The following ANKS1B variants were observed in gnomAD, a reference collection of about 807,000 sequenced individuals.
ANKS1B encodes ankyrin repeat and sterile alpha motif domain containing 1B.
A neutral mutation model predicts 148.3 loss-of-function variants in ANKS1B; 36 were observed. The ratio of observed to expected loss-of-function variants is 0.24; its 90% CI spans 0.19 to 0.32. ANKS1B has a LOEUF of 0.32. Among genes scored for constraint, ANKS1B ranks in the 10% least tolerant of loss-of-function variants. ANKS1B has a pLI of 1.00. For missense variants in ANKS1B, 1,157 were observed against 1,542.6 expected, an observed-to-expected ratio of 0.75 and a Z score of 4.19; for synonymous variants, 542 against 560.8, an observed-to-expected ratio of 0.97 and a Z score of 0.47.
chr12:99,210,339 T>G (rs183447036), intron 14 of ANKS1B, among the ~76,000 whole-genome samples: 1 of 152,332 alleles, frequency 6.6e-6, no homozygotes, highest in Non-Finnish European at 1.5e-5. Flanking sequence ...TGTATCATAA[T>G]GAAACTCTTA....
intron 15 of ANKS1B, among the ~76,000 whole-genome samples, chr12:99,086,244 T>C (rs1231183075): frequency 6.6e-6 from 1 of 151,938 alleles, no homozygotes; most frequent in African/African-American, 2.4e-5. Context: ...GGACATCTAA[T>C]CAGATATAGG....
intron 15 of ANKS1B, among the ~76,000 whole-genome samples, chr12:99,124,573 T>C (rs543850213): frequency 9.9e-5 from 15 of 152,260 alleles, no homozygotes; most frequent in Non-Finnish European, 2.2e-4. Flanking sequence ...AGGAGAGATG[T>C]CTGGGCTAAA....
At chr12:98,920,284 C>T (rs531958041) in intron 17 of ANKS1B, among the ~76,000 whole-genome samples, 28 of 152,330 alleles carry the variant, frequency 1.8e-4, no homozygotes, top group Non-Finnish European at 2.9e-4. Context: ...CTGGATCAAA[C>T]GCTGCCAATT....
At chr12:99,901,853 T>C (rs2093611836) in intron 1 of ANKS1B, among the ~76,000 whole-genome samples, 1 of 152,240 alleles carries the variant, frequency 6.6e-6, no homozygotes, top group African/African-American at 2.4e-5. Flanking sequence ...CACCACTTCC[T>C]ACCCATGTGA....
chr12:99,417,529 CTAGT>C (rs2094944546), intron 11 of ANKS1B, among the ~76,000 whole-genome samples: 1 of 151,936 alleles, frequency 6.6e-6, no homozygotes, highest in South Asian at 2.1e-4. Flanking sequence ...TTTAGTTATC[CTAGT>C]TACTTTACGT....
chr12:99,138,140 T>C (rs1430020252), intron 15 of ANKS1B, among the ~76,000 whole-genome samples: 1 of 152,176 alleles, frequency 6.6e-6, no homozygotes, highest in East Asian at 1.9e-4. Flanking sequence ...TGTTTCTTTG[T>C]TTGAATTCTT....
chr12:99,140,694 C>G (rs76726848), intron 15 of ANKS1B, among the ~76,000 whole-genome samples: 2,226 of 152,208 alleles, frequency 0.015, 59 homozygotes, highest in African/African-American at 0.051. Context: ...AGGTAAAGAA[C>G]CATGGAAGCA....
intron 17 of ANKS1B, among the ~76,000 whole-genome samples, chr12:98,981,747 A>G (rs765499417): frequency 2.6e-5 from 4 of 152,272 alleles, no homozygotes; most frequent in African/African-American, 4.8e-5. Context: ...TAATTCTTAC[A>G]GAAACCATGA....
intron 17 of ANKS1B, among the ~76,000 whole-genome samples, chr12:98,841,313 T>C (rs934705661): frequency 2.0e-5 from 3 of 152,150 alleles, no homozygotes; most frequent in Admixed American, 1.3e-4. Flanking sequence ...CTAAGACAAA[T>C]TGAGTCTCAA....
intron 1 of ANKS1B, among the ~76,000 whole-genome samples, chr12:99,882,396 C>A (rs936334779): frequency 1.3e-5 from 2 of 151,960 alleles, no homozygotes; most frequent in Non-Finnish European, 2.9e-5. Flanking sequence ...TGACATAAAC[C>A]CAGAAATTCA....
At chr12:98,841,869 G>T (rs1177660748) in intron 17 of ANKS1B, among the ~76,000 whole-genome samples, 1 of 151,506 alleles carries the variant, frequency 6.6e-6, no homozygotes, top group Non-Finnish European at 1.5e-5. Flanking sequence ...ACAGAGTAGA[G>T]CTAGGAATCA....
At chr12:98,887,985 G>A (rs956042395) in intron 17 of ANKS1B, among the ~76,000 whole-genome samples, 21 of 152,118 alleles carry the variant, frequency 1.4e-4, no homozygotes, top group African/African-American at 4.3e-4. Context: ...CTTTCTATCC[G>A]CACAGTCATG....
intron 14 of ANKS1B, among the ~76,000 whole-genome samples, chr12:99,193,927 G>A (rs964599831): frequency 2.0e-5 from 3 of 147,342 alleles, no homozygotes; most frequent in African/African-American, 7.5e-5. Flanking sequence ...TCAGCCTCCT[G>A]AGTAGCCGGG....
chr12:99,909,805 C>G (rs752188254), intron 1 of ANKS1B, among the ~76,000 whole-genome samples: 1 of 151,902 alleles, frequency 6.6e-6, no homozygotes, highest in Non-Finnish European at 1.5e-5. Flanking sequence ...TGTCATAGTT[C>G]CCTTTCTTTT....
chr12:99,852,991 C>A (rs1255889787), intron 1 of ANKS1B, among the ~76,000 whole-genome samples: 4 of 152,118 alleles, frequency 2.6e-5, no homozygotes, highest in African/African-American at 4.8e-5. Flanking sequence ...CAGAGGCAGC[C>A]ATAATCCCCC....
chr12:99,973,315 C>A (rs61941605), intron 1 of ANKS1B, among the ~76,000 whole-genome samples: 8,714 of 152,318 alleles, frequency 0.057, 365 homozygotes, highest in Admixed American at 0.1. Flanking sequence ...TGCAGTGGCC[C>A]ATGCCTGTAA....
intron 7 of ANKS1B, among the ~76,000 whole-genome samples, 193 bp downstream of exon 7, chr12:99,775,355 T>C (rs1028325960): frequency 6.6e-6 from 1 of 152,144 alleles, no homozygotes; most frequent in Non-Finnish European, 1.5e-5. Context: ...CCAGATAAAC[T>C]TCATTACAGC....
intron 4 of ANKS1B, among the ~76,000 whole-genome samples, chr12:99,792,603 A>T (rs930386563): frequency 1.3e-5 from 2 of 152,054 alleles, no homozygotes; most frequent in African/African-American, 4.8e-5. Flanking sequence ...AGAATGAAGG[A>T]CAAAAAACAT....
At chr12:99,228,850 G>A (rs1265158684) in intron 14 of ANKS1B, among the ~76,000 whole-genome samples, 1 of 151,780 alleles carries the variant, frequency 6.6e-6, no homozygotes, top group Non-Finnish European at 1.5e-5. Context: ...TATTCACTTA[G>A]GAAATTTTAC....
Sources: gnomAD v4.1 joint callset for allele counts (sites outside exome capture counted in the v4.1 genomes callset) on GRCh38, gnomAD v4.1.1 for gene constraint, MANE v1.5 for transcripts, NCBI Gene and HGNC (gene_info 2026-07-23, HGNC 2026-07-21) for gene names.